GABRB1: variants seen among roughly 807,000 people sequenced by gnomAD.
GABRB1 encodes the protein gamma-aminobutyric acid receptor subunit beta-1.
GABRB1 carries 17 observed loss-of-function variants against 51.6 expected under a neutral mutation model. The ratio of observed to expected loss-of-function variants is 0.33; its 90% CI spans 0.23 to 0.49. GABRB1 has a LOEUF of 0.49. Among genes scored for constraint, GABRB1 ranks in the 20% least tolerant of loss-of-function variants. GABRB1 has a pLI of 0.99. For missense variants in GABRB1, 410 were observed against 600.6 expected, an observed-to-expected ratio of 0.68 and a Z score of 3.32; for synonymous variants, 247 against 218.9, an observed-to-expected ratio of 1.13 and a Z score of -1.14.
upstream of GABRB1, among the ~76,000 whole-genome samples, chr4:47,029,164 G>A (rs531485492): frequency 6.6e-6 from 1 of 151,906 alleles, no homozygotes; most frequent in African/African-American, 2.4e-5. Context: ...TTCTTAGACT[G>A]CATGAGTTTA....
At chr4:47,065,706 A>G (rs1727048627) in intron 3 of GABRB1, among the ~76,000 whole-genome samples, 1 of 152,210 alleles carries the variant, frequency 6.6e-6, no homozygotes, top group Non-Finnish European at 1.5e-5. Context: ...TGCAAATTGA[A>G]CAACTGATGG....
At chr4:47,097,265 A>G (rs1239582844) in intron 3 of GABRB1, among the ~76,000 whole-genome samples, 1 of 152,134 alleles carries the variant, frequency 6.6e-6, no homozygotes. Context: ...TGCTCCAGCC[A>G]CAGGGACCAC....
chr4:47,311,237 T>TACAACAACAACAACAACA (rs1382390835), intron 4 of GABRB1, among the ~76,000 whole-genome samples: 97 of 142,532 alleles, frequency 6.8e-4, no homozygotes, highest in African/African-American at 1.2e-3. Flanking sequence ...CTACTAAAAA[T>TACAACAACAACAACAACA]ACAACAACAA....
intron 1 of GABRB1, among the ~76,000 whole-genome samples, chr4:47,002,601 C>G (rs1054602594): frequency 2.0e-5 from 3 of 151,860 alleles, no homozygotes; most frequent in Non-Finnish European, 4.4e-5. Context: ...ATCTTTAAGT[C>G]CCCAATACAG....
intron 5 of GABRB1, among the ~76,000 whole-genome samples, chr4:47,376,285 C>G (rs1325071447): frequency 6.6e-6 from 1 of 152,160 alleles, no homozygotes; most frequent in Non-Finnish European, 1.5e-5. Context: ...TGATCAGCAA[C>G]AACAAACACA....
chr4:47,131,372 G>A (rs1283904274), intron 3 of GABRB1, among the ~76,000 whole-genome samples: 3 of 152,084 alleles, frequency 2.0e-5, no homozygotes, highest in Admixed American at 1.3e-4. Flanking sequence ...TTGGCAGGCT[G>A]GTCTCGAACT....
chr4:47,207,399 C>A (rs553214802), intron 4 of GABRB1, among the ~76,000 whole-genome samples: 2 of 152,070 alleles, frequency 1.3e-5, no homozygotes, highest in South Asian at 4.2e-4. Context: ...TTACTTTTGT[C>A]ATAATGTTCT....
chr4:47,143,468 C>T (rs186749362), intron 3 of GABRB1, among the ~76,000 whole-genome samples: 2 of 152,002 alleles, frequency 1.3e-5, no homozygotes, highest in East Asian at 3.9e-4. Context: ...CACATACACA[C>T]AAACACTGCT....
At chr4:47,288,171 A>C (rs1414833425) in intron 4 of GABRB1, among the ~76,000 whole-genome samples, 1 of 152,106 alleles carries the variant, frequency 6.6e-6, no homozygotes, top group Non-Finnish European at 1.5e-5. Context: ...CTAATCACAG[A>C]ACACTGGTGT....
At chr4:47,040,492 TC>T (rs1174256912) in intron 3 of GABRB1, among the ~76,000 whole-genome samples, 1 of 152,130 alleles carries the variant, frequency 6.6e-6, no homozygotes, top group Non-Finnish European at 1.5e-5. Flanking sequence ...CATCTATGGT[TC>T]CATATTAAGT....
intron 4 of GABRB1, among the ~76,000 whole-genome samples, chr4:47,196,692 G>A (rs1225025997): frequency 6.6e-6 from 1 of 152,186 alleles, no homozygotes; most frequent in Non-Finnish European, 1.5e-5. Flanking sequence ...CTAAGAAAAT[G>A]CATGCCCAAA....
chr4:47,139,054 C>A (rs567501371), intron 3 of GABRB1, among the ~76,000 whole-genome samples: 1 of 151,944 alleles, frequency 6.6e-6, no homozygotes. Context: ...ATTTCTGCAC[C>A]TTCTTCATCT....
At chr4:47,027,081 A>G (rs1181203051), upstream of GABRB1, among the ~76,000 whole-genome samples, 2 of 151,668 alleles carry the variant, frequency 1.3e-5, no homozygotes, top group Non-Finnish European at 3.0e-5. Context: ...GCCTATTAAA[A>G]TGTTAACTAT....
At chr4:47,108,488 A>G (rs1715072796) in intron 3 of GABRB1, among the ~76,000 whole-genome samples, 1 of 152,030 alleles carries the variant, frequency 6.6e-6, no homozygotes, top group Admixed American at 6.6e-5. Context: ...CTTCTTTAAT[A>G]AAAAAGCATA....
intron 3 of GABRB1, among the ~76,000 whole-genome samples, chr4:47,104,954 C>G (rs1714894783): frequency 6.6e-6 from 1 of 152,024 alleles, no homozygotes; most frequent in Non-Finnish European, 1.5e-5. Flanking sequence ...TGTCTCTTAA[C>G]AGCACATTTA....
intron 1 of GABRB1, among the ~76,000 whole-genome samples, chr4:47,008,100 G>A (rs920771970): frequency 1.3e-5 from 2 of 151,978 alleles, no homozygotes; most frequent in Non-Finnish European, 2.9e-5. Flanking sequence ...AAAGATTAGA[G>A]AAATATTTAG....
At chr4:47,050,527 G>T (rs1726300660) in intron 3 of GABRB1, among the ~76,000 whole-genome samples, 1 of 152,102 alleles carries the variant, frequency 6.6e-6, no homozygotes. Context: ...GGAAGTAAAT[G>T]CCAATGCAAA....
chr4:47,180,687 C>T (rs573857173), intron 4 of GABRB1, among the ~76,000 whole-genome samples: 12 of 152,004 alleles, frequency 7.9e-5, no homozygotes, highest in South Asian at 2.1e-4. Context: ...CAGTTTTGAA[C>T]GGGAGTTAAT....
intron 4 of GABRB1, among the ~76,000 whole-genome samples, chr4:47,164,903 T>C (rs1718108759): frequency 6.6e-6 from 1 of 152,072 alleles, no homozygotes; most frequent in Non-Finnish European, 1.5e-5. Context: ...ACTTCATTCC[T>C]TGTGCCTCTT....
Sources: allele counts gnomAD v4.1 joint callset (sites outside exome capture counted in the v4.1 genomes callset), GRCh38; gene constraint gnomAD v4.1.1; transcripts MANE v1.5; gene names NCBI Gene and HGNC (gene_info 2026-07-23, HGNC 2026-07-21).